The following SMYD3 variants were observed in gnomAD, a reference collection of about 807,000 sequenced individuals.
SMYD3 encodes SET and MYND domain containing 3.
A neutral mutation model predicts 57.7 loss-of-function variants in SMYD3; 36 were observed. The ratio of observed to expected loss-of-function variants is 0.62; its 90% CI spans 0.48 to 0.82. SMYD3 has a LOEUF of 0.82. Ranked by LOEUF, SMYD3 falls within the 40% of genes least tolerant of loss-of-function variation. SMYD3 has a pLI of 0.00. For missense variants in SMYD3, 515 were observed against 538.8 expected (o/e 0.96, Z 0.44); for synonymous variants, 211 against 195.0 (o/e 1.08, Z -0.68).
At chr1:246,073,579 T>A (rs936066400) in intron 5 of SMYD3, among the ~76,000 whole-genome samples, 1 of 152,086 alleles carries the variant, frequency 6.6e-6, no homozygotes, top group Non-Finnish European at 1.5e-5. Context: ...TAGCCGGGCA[T>A]GATGGCTCCT....
In SMYD3 at chr1:245,791,274, T is replaced by C. The variant is rs373631067; in HGVS notation, c.1077-27125A>G. ...CAGTTGGGGGAAAGAGAGCCTATTA[T>C]GTTACCTAGGAAAAGAGATCTGGCA... On this transcript the variant is annotated intron_variant, in intron 10 of 11. Transcript: ENST00000490107. 9.9e-5 allele frequency among the ~76,000 whole-genome samples: 15 copies of C among 152,186 alleles called. No homozygotes were observed. The East Asian group carries it at 1.7e-3, about 18-fold the overall frequency.
chr1:246,301,211 T>C (rs2064887457), intron 5 of SMYD3, among the ~76,000 whole-genome samples: 1 of 151,956 alleles, frequency 6.6e-6, no homozygotes, highest in Non-Finnish European at 1.5e-5. Flanking sequence ...AAAATATAAA[T>C]AGACAATGAA....
At chr1:245,940,152 G>T (rs186621062) in intron 5 of SMYD3, among the ~76,000 whole-genome samples, 1 of 152,132 alleles carries the variant, frequency 6.6e-6, no homozygotes, top group Non-Finnish European at 1.5e-5. Flanking sequence ...ACACAGCACT[G>T]GGGGGAGGGG....
At chr1:246,267,289 A>G (rs1287523721) in intron 5 of SMYD3, among the ~76,000 whole-genome samples, 1 of 152,226 alleles carries the variant, frequency 6.6e-6, no homozygotes, top group African/African-American at 2.4e-5. Context: ...TAACATATTA[A>G]TTGAAGGTGA....
intron 5 of SMYD3, among the ~76,000 whole-genome samples, chr1:246,013,678 G>T (rs965612551): frequency 1.3e-5 from 2 of 152,118 alleles, no homozygotes; most frequent in Admixed American, 1.3e-4. Context: ...AAAGGGACAC[G>T]CCAGGTATTA....
At chr1:245,881,007 G>GT (rs35930509) in intron 8 of SMYD3, among the ~76,000 whole-genome samples, 88,608 of 152,056 alleles carry the variant, frequency 0.58, 29,479 homozygotes, top group Non-Finnish European at 0.77. Context: ...CTTGCCCTGG[G>GT]TAGGCGGGCC....
intron 11 of SMYD3, among the ~76,000 whole-genome samples, chr1:245,761,551 T>G (rs1023525099): frequency 6.6e-6 from 1 of 152,142 alleles, no homozygotes; most frequent in African/African-American, 2.4e-5. Context: ...TGACTAAAGC[T>G]TCACATAAGA....
intron 5 of SMYD3, among the ~76,000 whole-genome samples, chr1:246,153,364 C>T (rs991374453): frequency 1.3e-5 from 2 of 151,244 alleles, no homozygotes; most frequent in Non-Finnish European, 2.9e-5. Flanking sequence ...TCATTTACTT[C>T]CCACTCATCA....
intron 10 of SMYD3, among the ~76,000 whole-genome samples, chr1:245,783,671 A>G (rs753207194): frequency 6.6e-6 from 1 of 152,240 alleles, no homozygotes; most frequent in Admixed American, 6.5e-5. Context: ...ACATTTCTAG[A>G]TCTAATAAGT....
chr1:245,785,441 T>C (rs1016945489), intron 10 of SMYD3, among the ~76,000 whole-genome samples: 3 of 152,114 alleles, frequency 2.0e-5, no homozygotes, highest in Middle Eastern at 3.2e-3. Flanking sequence ...CTATTATACT[T>C]GCAGATGCAA....
chr1:246,034,322 T>G (rs1395103610), intron 5 of SMYD3, among the ~76,000 whole-genome samples: 2 of 152,200 alleles, frequency 1.3e-5, no homozygotes, highest in African/African-American at 4.8e-5. Flanking sequence ...TTCATCCACA[T>G]TCCTACAGCA....
At chr1:245,843,540 A>ATGTGTG (rs10531765) in intron 10 of SMYD3, among the ~76,000 whole-genome samples, 9 of 149,658 alleles carry the variant, frequency 6.0e-5, no homozygotes, top group African/African-American at 2.0e-4. Context: ...GTATATATAT[A>ATGTGTG]TGTGTGTGTG....
At chr1:246,242,207 T>G (rs1400772361) in intron 5 of SMYD3, among the ~76,000 whole-genome samples, 1 of 152,208 alleles carries the variant, frequency 6.6e-6, no homozygotes, top group Non-Finnish European at 1.5e-5. Flanking sequence ...AGATCTTTCC[T>G]GCTTTCTCTT....
At chr1:245,892,463 T>G (rs1239781907) in intron 8 of SMYD3, among the ~76,000 whole-genome samples, 1 of 152,214 alleles carries the variant, frequency 6.6e-6, no homozygotes, top group Non-Finnish European at 1.5e-5. Context: ...GTCAAAGGGT[T>G]GGTCAACAGC....
chr1:246,252,159 G>T (rs10924629), intron 5 of SMYD3, among the ~76,000 whole-genome samples: 2 of 29,080 alleles, frequency 6.9e-5, no homozygotes, highest in Non-Finnish European at 1.2e-4. Context: ...AGTAGGTGCC[G>T]CGGACACTGT....
chr1:246,131,211 T>C (rs925842365), intron 5 of SMYD3, among the ~76,000 whole-genome samples: 1 of 152,194 alleles, frequency 6.6e-6, no homozygotes, highest in Non-Finnish European at 1.5e-5. Context: ...TGATTAGTAT[T>C]ATAGGGGGTT....
chr1:246,165,696 A>C (rs1289825878), intron 5 of SMYD3, among the ~76,000 whole-genome samples: 1 of 152,180 alleles, frequency 6.6e-6, no homozygotes, highest in Non-Finnish European at 1.5e-5. Flanking sequence ...TTAGATGCAA[A>C]TGGTAAAAGT....
At chr1:246,094,162 G>A (rs1170748206) in intron 5 of SMYD3, among the ~76,000 whole-genome samples, 8 of 152,118 alleles carry the variant, frequency 5.3e-5, no homozygotes, top group Admixed American at 6.5e-5. Context: ...ATGATGCAGT[G>A]TTTGTGATAT....
At position 246,215,282 on chromosome 1, in the gene SMYD3, TA is replaced by T. The variant is rs546040219; in HGVS notation, c.531+111918del. 9.0e-4 allele frequency among the ~76,000 whole-genome samples: 137 copies of T among 152,238 alleles called. 1 individual carries two copies. Among genetic ancestry groups the T allele is most frequent in the Non-Finnish European group, 1.8e-3 (121 of 68,010 alleles). ...GTCATGGGGCAGGTGCAGGAAAATA[TA>T]AAATATACATATTTAAAATCCTACT... On this transcript the variant is annotated intron_variant, in intron 5 of 11. Coordinates refer to ENST00000490107, the MANE Select transcript of SMYD3 (RefSeq NM_001167740.2).
Sources: allele counts gnomAD v4.1 joint callset (sites outside exome capture counted in the v4.1 genomes callset), GRCh38; gene constraint gnomAD v4.1.1; transcripts MANE v1.5; gene names NCBI Gene and HGNC (gene_info 2026-07-23, HGNC 2026-07-21).